DNAH8: variants seen among roughly 807,000 people sequenced by gnomAD.
DNAH8 encodes the protein dynein axonemal heavy chain 8, also known as axonemal beta dynein heavy chain 8.
DNAH8 carries 382 observed loss-of-function variants against 562.1 expected under a neutral mutation model. That is an observed-to-expected ratio of 0.68 (90% CI 0.63 to 0.74). DNAH8 has a LOEUF of 0.74. Among genes scored for constraint, DNAH8 ranks in the 30% least tolerant of loss-of-function variants. DNAH8 has a pLI of 0.00. For synonymous variants in DNAH8, 1,881 were observed against 1,919.4 expected (o/e 0.98, Z 0.52); for missense variants, 5,203 against 5,620.4 (o/e 0.93, Z 2.37).
intron 80 of DNAH8, among the ~76,000 whole-genome samples, chr6:38,947,351 G>T (rs1761513038): frequency 6.6e-6 from 1 of 152,198 alleles, no homozygotes; most frequent in African/African-American, 2.4e-5. Flanking sequence ...CAGCTGAGTG[G>T]ATGTCAGGAA....
chr6:38,787,938 A>G (rs1269318028), intron 18 of DNAH8, among the ~76,000 whole-genome samples: 1 of 151,848 alleles, frequency 6.6e-6, no homozygotes, highest in Non-Finnish European at 1.5e-5. Flanking sequence ...AAAATATATA[A>G]ATGCAAGGAC....
chr6:38,896,004 A>G (rs1338993129), intron 59 of DNAH8, 29 bp from the exon 60 acceptor site: 1 of 1,583,152 alleles, frequency 6.3e-7, no homozygotes, highest in Admixed American at 1.7e-5. Flanking sequence ...TTCATATTTA[A>G]CATTCTTACT....
intron 75 of DNAH8, among the ~76,000 whole-genome samples, chr6:38,930,241 A>G (rs1287579407): frequency 6.6e-6 from 1 of 152,076 alleles, no homozygotes; most frequent in African/African-American, 2.4e-5. Flanking sequence ...ATTGTTCTCA[A>G]TTGTTGGTGA....
intron 53 of DNAH8, 79 bp downstream of exon 53, chr6:38,875,907 GA>G: frequency 1.2e-6 from 1 of 867,082 alleles, no homozygotes; most frequent in Non-Finnish European, 1.8e-6. Flanking sequence ...ACTCTTCTAT[GA>G]GAGAATATTA....
intron 53 of DNAH8, among the ~76,000 whole-genome samples, chr6:38,878,386 A>G (rs1046755006): frequency 6.6e-6 from 1 of 152,234 alleles, no homozygotes; most frequent in African/African-American, 2.4e-5. Flanking sequence ...AAAGGTCTCA[A>G]AACAATGATT....
chr6:38,741,731 G>C lies in DNAH8; in HGVS notation c.1137G>C (p.Gln379His). ...TGCAGGTACTTATTGAGAGTGAGCA[G>C]ATGAGAAAAGAAGCTGGTGATTCAG... is the stretch of plus-strand genomic sequence containing the variant. ...QIEQVLIESE[Q>H]MRKEAGDSGP... The change falls in exon 8 of 93, where the codon CAG (glutamine) becomes CAC (histidine). Residue 379 changes from glutamine (Q) to histidine (H), a missense_variant. By Grantham distance (24) the Gln-to-His change is conservative (BLOSUM62 0). Transcript: ENST00000327475. The C allele has an allele frequency of 6.2e-7, 1 of 1,613,270 alleles. No homozygotes were observed. The highest frequency in any genetic ancestry group is 1.1e-5 in the South Asian group (1 of 90,828).
Position 38,920,234 on chromosome 6 carries a change from C to T in DNAH8, c.10525-1135C>T, listed in dbSNP as rs1421917957. Among the ~76,000 whole-genome samples, 5 of 152,174 alleles carry T rather than the reference C, an allele frequency of 3.3e-5. No individual in the cohort carries two copies. The South Asian group carries it at 8.3e-4, about 25-fold the overall frequency. On this transcript the variant is annotated intron_variant, in intron 70 of 92. Transcript: ENST00000327475. ...GCTTAAGCAGTTCTCCTACCTCAGC[C>T]TCCCAAACTGCTCCCAGGATTATAG...
chr6:38,726,817 A>G (rs940641702), intron 3 of DNAH8, among the ~76,000 whole-genome samples: 1 of 148,074 alleles, frequency 6.8e-6, no homozygotes, highest in African/African-American at 2.5e-5. Context: ...GGTGCGGTTT[A>G]GGAAATTGGG....
At chr6:38,763,323 C>T (rs914786354) in intron 11 of DNAH8, 4 of 212,804 alleles carry the variant, frequency 1.9e-5, no homozygotes, top group African/African-American at 9.5e-5. Flanking sequence ...CATTTTATTC[C>T]TTCTGGTATA....
At chr6:38,874,204 T>TTCTTTCTTTCTCTCTC (rs1777780497) in intron 52 of DNAH8, among the ~76,000 whole-genome samples, 1 of 48,204 alleles carries the variant, frequency 2.1e-5, no homozygotes, top group Non-Finnish European at 4.5e-5. Context: ...CTTTCTCTCT[T>TTCTTTCTTTCTCTCTC]TCTTTCTTTC....
rs770815827 is a variant in DNAH8 at position 38,842,904 on chromosome 6, G to T, written c.4845+1G>T. ...CCTTAAACATAAGGATGATATTGAGGTACATAAGTGTATACGTTCTTATCA... is the reference window on the plus strand; with the variant it reads ...CCTTAAACATAAGGATGATATTGAGTTACATAAGTGTATACGTTCTTATCA... On this transcript the variant is annotated splice_donor_variant, in intron 35 of 92. Transcript: ENST00000327475. LOFTEE classifies it high-confidence loss of function. 6.2e-7 allele frequency: 1 copy of T among 1,613,060 alleles called. No homozygotes were observed. The highest frequency in any genetic ancestry group is 1.7e-5 in the Admixed American group (1 of 59,986).
At chr6:38,892,077 A>G (rs1406525536) in intron 58 of DNAH8, among the ~76,000 whole-genome samples, 2 of 152,068 alleles carry the variant, frequency 1.3e-5, no homozygotes, top group Non-Finnish European at 1.5e-5. Context: ...GAGGGTCCCC[A>G]TAGTCTTGAT....
At chr6:38,884,889 G>C (rs955024654) in intron 56 of DNAH8, among the ~76,000 whole-genome samples, 2 of 152,050 alleles carry the variant, frequency 1.3e-5, no homozygotes, top group Admixed American at 1.3e-4. Context: ...CCAGAAGTCC[G>C]CATGCTCCTG....
intron 21 of DNAH8, among the ~76,000 whole-genome samples, chr6:38,792,925 C>T (rs1330236871): frequency 6.6e-6 from 1 of 151,980 alleles, no homozygotes; most frequent in Non-Finnish European, 1.5e-5. Context: ...ATTACAGGTG[C>T]ATACCACCAC....
intron 53 of DNAH8, among the ~76,000 whole-genome samples, chr6:38,881,777 C>G (rs1245275287): frequency 4.6e-5 from 7 of 152,144 alleles, no homozygotes; most frequent in African/African-American, 1.4e-4. Flanking sequence ...TCGCGAACTT[C>G]CAACCTCAGC....
In DNAH8 at chr6:38,866,788, T is replaced by G. The variant is rs1329582329; in HGVS notation, c.6605T>G (p.Leu2202Arg). 2 of 1,612,934 alleles carry G rather than the reference T, an allele frequency of 1.2e-6. No individual in the cohort carries two copies. The highest frequency in any genetic ancestry group is 3.3e-5 in the Admixed American group (2 of 59,886). ...PDRQIIMRVKLASCGFLENVI... is the reference protein window; with the variant it reads ...PDRQIIMRVKRASCGFLENVI... ...TTTCAGATCATTATGAGAGTTAAAC[T>G]TGCAAGCTGTGGTTTTCTTGAAAAT... The change falls in exon 47 of 93, where the codon CTT becomes CGT. Residue 2202 changes from leucine (L) to arginine (R), a missense_variant. Leu to Arg is a moderately radical substitution (Grantham distance 102). This residue lies in a region of DNAH8 where 2,176 missense variants were observed against 2,365.1 expected (regional missense o/e 0.92). Coordinates refer to ENST00000327475, the MANE Select transcript of DNAH8 (RefSeq NM_001206927.2).
intron 49 of DNAH8, among the ~76,000 whole-genome samples, chr6:38,872,177 G>A (rs1214816554): frequency 6.6e-6 from 1 of 152,186 alleles, no homozygotes; most frequent in Non-Finnish European, 1.5e-5. Flanking sequence ...CCACTAAGGG[G>A]CGATATCATC....
At chr6:38,764,619 T>C (rs980206733) in intron 11 of DNAH8, 3 of 152,018 alleles carry the variant, frequency 2.0e-5, no homozygotes, top group African/African-American at 7.3e-5. Flanking sequence ...CAGGAAACAA[T>C]ATAAGGAAGT....
chr6:38,866,742 A>T (rs1268109969), intron 46 of DNAH8, 27 bp from the exon 47 acceptor site: 1 of 1,601,368 alleles, frequency 6.2e-7, no homozygotes, highest in Non-Finnish European at 8.5e-7. Flanking sequence ...ACTAAAGTTG[A>T]AAAAAACTCA....
Sources: gnomAD v4.1 joint callset for allele counts (sites outside exome capture counted in the v4.1 genomes callset) on GRCh38, gnomAD v4.1.1 for gene constraint, gnomAD v4.1.1 regional missense constraint, MANE v1.5 for transcripts, NCBI Gene and HGNC (gene_info 2026-07-23, HGNC 2026-07-21) for gene names.